FUT9: variants seen among roughly 807,000 people sequenced by gnomAD.
FUT9 encodes the protein fucosyltransferase 9.
Under a neutral mutation model 29.7 loss-of-function variants are expected in FUT9, and 15 were observed. That is an observed-to-expected ratio of 0.51 (90% CI 0.34 to 0.78). The LOEUF (loss-of-function observed/expected upper bound fraction) is 0.78, where lower values mean the gene tolerates loss of function less well. FUT9 is among the 30% of genes least tolerant of loss of function. The probability of loss-of-function intolerance (pLI) is 0.01; values close to 1 mark genes in which losing one functional copy is unlikely to be tolerated. For missense variants in FUT9, 319 were observed against 425.4 expected (o/e 0.75, Z 2.20); for synonymous variants, 169 against 153.7 (o/e 1.10, Z -0.74).
At chr6:96,116,948 TA>T (rs1291073068) in intron 2 of FUT9, among the ~76,000 whole-genome samples, 2 of 151,916 alleles carry the variant, frequency 1.3e-5, no homozygotes, top group African/African-American at 4.8e-5. Context: ...GCATGCACAT[TA>T]AAAAAAGAAA....
intron 1 of FUT9, among the ~76,000 whole-genome samples, chr6:96,109,318 T>G (rs986951793): frequency 1.3e-5 from 2 of 152,218 alleles, no homozygotes; most frequent in African/African-American, 2.4e-5. Flanking sequence ...TTCTTTGTTC[T>G]TTTATATTTA....
intron 1 of FUT9, among the ~76,000 whole-genome samples, chr6:96,034,451 C>T (rs192725702): frequency 7.5e-4 from 114 of 151,530 alleles, no homozygotes; most frequent in African/African-American, 2.6e-3. Flanking sequence ...TAAAGCAATA[C>T]CAAAATGGAC....
chr6:96,212,536 A>G lies in FUT9; in HGVS notation c.*8301A>G, dbSNP rs1051811228. On this transcript the variant is annotated 3_prime_UTR_variant, in exon 3 of 3. Coordinates refer to ENST00000302103, the MANE Select transcript of FUT9 (RefSeq NM_006581.4). Reference sequence around the variant, plus strand: ...GAGAACAAGATTTTACTTAGAAGGGAAAAAAAAGAACTTTCAGCTTAATCG... The same window carrying G: ...GAGAACAAGATTTTACTTAGAAGGGGAAAAAAAGAACTTTCAGCTTAATCG... 3.0e-5 allele frequency: 12 copies of G among 395,522 alleles called. No homozygotes were observed. Among genetic ancestry groups the G allele is most frequent in the African/African-American group, 8.5e-5 (4 of 47,156 alleles). 24.5% of individuals were successfully genotyped at this position (395,522 alleles called of 1,614,324 possible).
chr6:96,198,516 A>G (rs931705304), intron 2 of FUT9, among the ~76,000 whole-genome samples: 19 of 151,950 alleles, frequency 1.3e-4, no homozygotes, highest in African/African-American at 4.3e-4. Context: ...CCAGTCTATC[A>G]TTGTTGGACA....
chr6:96,059,039 T>C (rs1434681011), intron 1 of FUT9, among the ~76,000 whole-genome samples: 1 of 152,202 alleles, frequency 6.6e-6, no homozygotes, highest in Admixed American at 6.5e-5. Context: ...GAACATAAAA[T>C]ATTAGTTTTT....
chr6:96,095,696 C>T (rs2127955123), intron 1 of FUT9, among the ~76,000 whole-genome samples: 1 of 152,230 alleles, frequency 6.6e-6, no homozygotes, highest in South Asian at 2.1e-4. Context: ...CCTGCCCCAG[C>T]CTTTGGCCAG....
chr6:96,131,284 T>C (rs1009990267), intron 2 of FUT9, among the ~76,000 whole-genome samples: 1 of 152,124 alleles, frequency 6.6e-6, no homozygotes, highest in African/African-American at 2.4e-5. Flanking sequence ...TTCAACTATC[T>C]AGCATTGTAC....
chr6:96,196,663 C>T (rs1773632087), intron 2 of FUT9, among the ~76,000 whole-genome samples: 1 of 151,968 alleles, frequency 6.6e-6, no homozygotes, highest in African/African-American at 2.4e-5. Flanking sequence ...AGTGAGCTGA[C>T]ATCACACCAC....
At chr6:96,194,703 AT>A (rs68110155) in intron 2 of FUT9, among the ~76,000 whole-genome samples, 35 of 150,642 alleles carry the variant, frequency 2.3e-4, no homozygotes, top group African/African-American at 8.1e-4. Flanking sequence ...AGAGTTTTGG[AT>A]TTTTTTTTTT....
chr6:96,173,766 A>C (rs1773155051), intron 2 of FUT9, among the ~76,000 whole-genome samples: 1 of 42,866 alleles, frequency 2.3e-5, no homozygotes, highest in African/African-American at 4.2e-5. Flanking sequence ...TAAAATAAAA[A>C]TCACACAAAT....
rs1446714389 is a variant in FUT9, at chr6:96,144,208, C to T, written c.-9+30081C>T. The stretch of plus-strand genomic sequence containing the variant: ...TTTGGGGGAAGTTAGTTTCTAAATC[C>T]TTTTTCTTCCTTAGTGATTTTTTTT... On this transcript the variant is annotated intron_variant, in intron 2 of 2. Transcript: ENST00000302103. Among the ~76,000 whole-genome samples, 4 of 97,096 alleles carry T rather than the reference C, an allele frequency of 4.1e-5. No homozygotes were observed. The Admixed American group carries it at 5.7e-4, about 14-fold the overall frequency. 63.7% of individuals were successfully genotyped at this position (97,096 alleles called of 152,430 possible).
chr6:96,081,827 C>A (rs1771243108), intron 1 of FUT9, among the ~76,000 whole-genome samples: 1 of 151,888 alleles, frequency 6.6e-6, no homozygotes, highest in Non-Finnish European at 1.5e-5. Context: ...CTCACCAATA[C>A]TCATTATTGT....
At chr6:96,087,099 C>G (rs117195444) in intron 1 of FUT9, among the ~76,000 whole-genome samples, 1 of 152,082 alleles carries the variant, frequency 6.6e-6, no homozygotes, top group East Asian at 1.9e-4. Context: ...TTTTAAAAAT[C>G]TAGACCTGGT....
At chr6:96,182,044 G>T (rs1040362699) in intron 2 of FUT9, among the ~76,000 whole-genome samples, 1 of 151,988 alleles carries the variant, frequency 6.6e-6, no homozygotes, top group African/African-American at 2.4e-5. Context: ...ATTCCCACCA[G>T]CACTGTAGAA....
chr6:96,143,173 C>A (rs549617112), intron 2 of FUT9, among the ~76,000 whole-genome samples: 1 of 152,290 alleles, frequency 6.6e-6, no homozygotes, highest in Admixed American at 6.5e-5. Flanking sequence ...ACCCTTGTTA[C>A]TGGTATTAGA....
chr6:96,203,569 A>C lies in FUT9; in HGVS notation c.414A>C (p.Ser138=). The C allele has an allele frequency of 6.2e-7, 1 of 1,613,832 alleles. No individual in the cohort carries two copies. Among genetic ancestry groups the C allele is most frequent in the South Asian group, 1.1e-5 (1 of 91,080 alleles). ...FQKWIWMNLE[S]PTHTPQKSGI... Reference sequence around the variant, plus strand: ...AATGGATTTGGATGAATTTGGAATCACCAACTCACACTCCCCAAAAGAGTG... The same window carrying C: ...AATGGATTTGGATGAATTTGGAATCCCCAACTCACACTCCCCAAAAGAGTG... The change falls in exon 3 of 3, where the codon TCA becomes TCC. Residue 138 remains serine (S), a synonymous_variant. Coordinates refer to ENST00000302103, the MANE Select transcript of FUT9 (RefSeq NM_006581.4).
At chr6:96,169,481 A>G (rs1426077624) in intron 2 of FUT9, among the ~76,000 whole-genome samples, 2 of 152,130 alleles carry the variant, frequency 1.3e-5, no homozygotes, top group Non-Finnish European at 2.9e-5. Flanking sequence ...TTTATTTTTC[A>G]TTATTGCTAG....
intron 1 of FUT9, among the ~76,000 whole-genome samples, chr6:96,093,661 G>A (rs1438601822): frequency 6.6e-6 from 1 of 151,998 alleles, no homozygotes; most frequent in African/African-American, 2.4e-5. Flanking sequence ...TATTATTTAT[G>A]AGCAAATAAT....
Position 96,214,644 on chromosome 6 carries a change from C to T in FUT9, c.*10409C>T, listed in dbSNP as rs965411084. ...CCTGTGCTTTTGAAAGGGCTTAATC[C>T]CAAACAGGTAATATGTGTGGATCAA... is the stretch of plus-strand genomic sequence containing the variant. On this transcript the variant is annotated 3_prime_UTR_variant, in exon 3 of 3. Transcript: ENST00000302103. 3.0e-5 allele frequency: 5 copies of T among 166,792 alleles called. No individual in the cohort carries two copies. The highest frequency in any genetic ancestry group is 4.1e-4 in the South Asian group (2 of 4,822). The allele number at this position is 166,792 out of a possible 1,614,324, so 10.3% of individuals were successfully genotyped here.
Sources: allele counts gnomAD v4.1 joint callset (sites outside exome capture counted in the v4.1 genomes callset), GRCh38; gene constraint gnomAD v4.1.1; transcripts MANE v1.5; gene names NCBI Gene and HGNC (gene_info 2026-07-23, HGNC 2026-07-21).